Variants in KIF5B observed in about 807,000 individuals in gnomAD.
KIF5B encodes the protein kinesin-1 heavy chain.
A neutral mutation model predicts 132.8 loss-of-function variants in KIF5B; 49 were observed. The ratio of observed to expected loss-of-function variants is 0.37; its 90% CI spans 0.29 to 0.47. The LOEUF is 0.47. Among genes scored for constraint, KIF5B ranks in the 20% least tolerant of loss-of-function variants. KIF5B has a pLI of 1.00. For missense variants in KIF5B, 780 were observed against 1,144.0 expected (o/e 0.68, Z 4.59); for synonymous variants, 355 against 369.4 (o/e 0.96, Z 0.45).
At chr10:32,055,248 T>C (rs769027510) in intron 1 of KIF5B, among the ~76,000 whole-genome samples, 5 of 152,118 alleles carry the variant, frequency 3.3e-5, no homozygotes, top group Non-Finnish European at 5.9e-5. Context: ...GTTGTTAACA[T>C]GAAAAGTCTT....
chr10:32,026,864 G>A (rs1374472067), intron 15 of KIF5B, among the ~76,000 whole-genome samples: 1 of 152,118 alleles, frequency 6.6e-6, no homozygotes, highest in Non-Finnish European at 1.5e-5. Flanking sequence ...ACAGAATAGG[G>A]CCGAAATGTT....
At position 32,032,136 on chromosome 10, in the gene KIF5B, A is replaced by G. The variant is rs144222667; in HGVS notation, c.1374+570T>C. Among the ~76,000 whole-genome samples the G allele has an allele frequency of 1.7e-3, 261 of 152,160 alleles. 2 individuals are homozygous for G. In the Middle Eastern group the frequency reaches 0.02, roughly 12 times the overall value. ...ATATCCGGAAATCTGTGGGAGTGTT[A>G]ATAATAGGGTAGAATGCTAATGGCA... On this transcript the variant is annotated intron_variant, in intron 13 of 25. Coordinates refer to ENST00000302418, the MANE Select transcript of KIF5B (RefSeq NM_004521.3).
chr10:32,020,849 A>G (rs1289094696), intron 19 of KIF5B, among the ~76,000 whole-genome samples, 173 bp downstream of exon 19: 2 of 152,236 alleles, frequency 1.3e-5, no homozygotes. Flanking sequence ...CCTAAAAAAA[A>G]GCCTCAAAAA....
At chr10:32,035,144 G>T (rs570946010) in intron 10 of KIF5B, among the ~76,000 whole-genome samples, 33 of 152,000 alleles carry the variant, frequency 2.2e-4, no homozygotes, top group Non-Finnish European at 3.7e-4. Context: ...AGTCAAAGAC[G>T]GAATCATCAT....
At chr10:32,015,360 C>T in intron 25 of KIF5B, 149 bp downstream of exon 25, 1 of 538,466 alleles carries the variant, frequency 1.9e-6, no homozygotes, top group South Asian at 2.5e-5. Context: ...ATGATCTAAA[C>T]TACACAAAAA....
intron 15 of KIF5B, among the ~76,000 whole-genome samples, chr10:32,027,455 C>T (rs1841347844): frequency 6.7e-6 from 1 of 148,392 alleles, no homozygotes; most frequent in African/African-American, 2.5e-5. Context: ...ACTGAAAACT[C>T]TAGAGTTCAT....
At position 32,040,391 on chromosome 10, in the gene KIF5B, G is replaced by A; in HGVS notation, c.281C>T (p.Thr94Ile). ...CAGATTATAAAACGTTACCTCCATT[G>A]TGTGTGTCTTCCCAGAGGATGTTTG... is the stretch of plus-strand genomic sequence containing the variant. The part of the protein sequence containing the change: ...YGQTSSGKTH[T>I]MEGKLHDPEG... Residue 94 changes from threonine (T) to isoleucine (I), a missense_variant, in exon 3 of 26, where the codon ACA becomes ATA. Physicochemically the swap from Thr to Ile is moderately conservative, Grantham distance 89. Transcript: ENST00000302418. The A allele has an allele frequency of 6.3e-7, 1 of 1,581,548 alleles. No homozygotes were observed. The highest frequency in any genetic ancestry group is 8.7e-7 in the Non-Finnish European group (1 of 1,150,592).
chr10:32,017,534 C>G (rs1008656505), intron 23 of KIF5B, among the ~76,000 whole-genome samples, 175 bp from the exon 24 acceptor site: 1 of 152,218 alleles, frequency 6.6e-6, no homozygotes, highest in Non-Finnish European at 1.5e-5. Flanking sequence ...AGCGTGCACA[C>G]ATCTAGTTTA....
rs533600588 is a variant in KIF5B, at chr10:32,015,590, C to A, written c.2831G>T (p.Gly944Val). 1.9e-6 allele frequency: 3 copies of A among 1,613,892 alleles called. No homozygotes were observed. The South Asian group carries it at 3.3e-5, about 18-fold the overall frequency. Residue 944 changes from glycine to valine, a missense_variant, in exon 25 of 26, where the codon GGT becomes GTT. Gly to Val is a moderately radical substitution (Grantham distance 109, BLOSUM62 -3). Transcript: ENST00000302418. ...PTHPSAIRGG[G>V]AFVQNSQPVA... is the part of the protein sequence containing the mutation. ...TGGCTGGCTGTTCTGAACAAATGCACCTCCTCCACGAATTGCACTTGGGTG... is the reference window on the plus strand; with the variant it reads ...TGGCTGGCTGTTCTGAACAAATGCAACTCCTCCACGAATTGCACTTGGGTG...
intron 13 of KIF5B, among the ~76,000 whole-genome samples, chr10:32,031,860 G>T (rs112826261): frequency 3.9e-5 from 1 of 25,846 alleles, no homozygotes; most frequent in Non-Finnish European, 1.3e-4. Flanking sequence ...TTAGCCAGGC[G>T]TGGTGGCGGG....
In KIF5B at chr10:32,022,982, T is replaced by C. The variant is rs567284448; in HGVS notation, c.1780A>G (p.Ile594Val). The change falls in exon 16 of 26, where the codon ATT becomes GTT. Residue 594 changes from isoleucine (I) to valine (V), a missense_variant. Around this residue, in one of 9 missense-constraint regions of KIF5B, gnomAD observed 471 missense variants for 569.9 expected, o/e 0.83. Coordinates refer to ENST00000302418, the MANE Select transcript of KIF5B (RefSeq NM_004521.3). Reference sequence around the variant, plus strand: ...TTTACTTCTGACTTCATTTTGCTAATGTAGAGTCTTGCAACAGTGAACTCT... The same window carrying C: ...TTTACTTCTGACTTCATTTTGCTAACGTAGAGTCTTGCAACAGTGAACTCT... ...DEEFTVARLY[I>V]SKMKSEVKTM... 3.7e-6 allele frequency: 6 copies of C among 1,613,332 alleles called. No homozygotes were observed. Among genetic ancestry groups the C allele is most frequent in the Middle Eastern group, 1.7e-4 (1 of 6,056 alleles).
intron 21 of KIF5B, 42 bp downstream of exon 21, chr10:32,018,460 C>T (rs1413905486): frequency 6.3e-7 from 1 of 1,591,794 alleles, no homozygotes; most frequent in Non-Finnish European, 8.5e-7. Flanking sequence ...AAAAAACCCA[C>T]AAAATATTTC....
intron 1 of KIF5B, among the ~76,000 whole-genome samples, chr10:32,049,287 T>C (rs1227736724): frequency 2.0e-5 from 3 of 152,202 alleles, no homozygotes; most frequent in Admixed American, 2.0e-4. Context: ...TTCTGACTCA[T>C]GCAATTGAGT....
intron 1 of KIF5B, among the ~76,000 whole-genome samples, chr10:32,055,151 T>C (rs1237014986): frequency 6.6e-6 from 1 of 152,138 alleles, no homozygotes; most frequent in Non-Finnish European, 1.5e-5. Flanking sequence ...CGGCTAGGTC[T>C]GCTAGATTAA....
At chr10:32,026,238 T>C (rs1307803360) in intron 15 of KIF5B, among the ~76,000 whole-genome samples, 1 of 151,826 alleles carries the variant, frequency 6.6e-6, no homozygotes, top group Non-Finnish European at 1.5e-5. Context: ...ATCAAGACCA[T>C]CCTGGCTAAC....
chr10:32,055,786 A>C (rs561475210), intron 1 of KIF5B, 62 bp downstream of exon 1: 6 of 1,589,438 alleles, frequency 3.8e-6, no homozygotes, highest in Non-Finnish European at 5.1e-6. Context: ...CCACTTCCCT[A>C]AACTCCCCGC....
At chr10:32,012,559 A>G (rs1285013116) in intron 25 of KIF5B, among the ~76,000 whole-genome samples, 1 of 152,226 alleles carries the variant, frequency 6.6e-6, no homozygotes, top group African/African-American at 2.4e-5. Flanking sequence ...CTATCTTTGG[A>G]CCAGCATCAA....
chr10:32,033,835 C>T lies in KIF5B; in HGVS notation c.1305+10G>A, dbSNP rs888568260. ...TAATATAAAGCAGACCTAAATCAAG[C>T]AATACCTACCTTGTCATCAAGCTGT... On this transcript the variant is annotated intron_variant, in intron 12 of 25. Coordinates refer to ENST00000302418, the MANE Select transcript of KIF5B (RefSeq NM_004521.3). 2.5e-6 allele frequency: 4 copies of T among 1,594,412 alleles called. No individual in the cohort carries two copies. In the African/African-American group the frequency reaches 4.0e-5, roughly 16 times the overall value.
chr10:32,033,755 A>G (rs1841428685), intron 12 of KIF5B, 90 bp downstream of exon 12: 1 of 784,400 alleles, frequency 1.3e-6, no homozygotes, highest in East Asian at 2.7e-5. Context: ...CTAAGTGCCC[A>G]CAGCACTGAA....
Sources: gnomAD v4.1 joint callset for allele counts (sites outside exome capture counted in the v4.1 genomes callset) on GRCh38, gnomAD v4.1.1 for gene constraint, gnomAD v4.1.1 regional missense constraint, MANE v1.5 for transcripts, NCBI Gene and HGNC (gene_info 2026-07-23, HGNC 2026-07-21) for gene names.